FOXK1: variants seen among roughly 807,000 people sequenced by gnomAD.
FOXK1 encodes forkhead box protein K1.
A neutral mutation model predicts 51.9 loss-of-function variants in FOXK1; 19 were observed. That is an observed-to-expected ratio of 0.37 (90% CI 0.26 to 0.54). FOXK1 has a LOEUF of 0.54. Among genes scored for constraint, FOXK1 ranks in the 20% least tolerant of loss-of-function variants. The pLI, the probability that FOXK1 is intolerant of heterozygous loss-of-function variation, is 0.87. For synonymous variants in FOXK1, 537 were observed against 482.6 expected (o/e 1.11, Z -1.48); for missense variants, 870 against 1,032.7 (o/e 0.84, Z 2.16).
intron 1 of FOXK1, among the ~76,000 whole-genome samples, chr7:4,736,555 T>C (rs552800467): frequency 6.6e-6 from 1 of 151,922 alleles, no homozygotes; most frequent in African/African-American, 2.4e-5. Flanking sequence ...TGGGATTACA[T>C]GTGTGTGCCA....
At chr7:4,751,366 A>G (rs1467536436) in intron 2 of FOXK1, among the ~76,000 whole-genome samples, 1 of 152,046 alleles carries the variant, frequency 6.6e-6, no homozygotes, top group African/African-American at 2.4e-5. Flanking sequence ...TTAGATTGCT[A>G]AGGGAATGTT....
Position 4,761,210 on chromosome 7 carries a change from C to T in FOXK1, c.1843C>T (p.His615Tyr). 6.2e-7 allele frequency: 1 copy of T among 1,613,144 alleles called. No individual in the cohort carries two copies. Among genetic ancestry groups the T allele is most frequent in the Non-Finnish European group, 8.5e-7 (1 of 1,180,032 alleles). The change falls in exon 8 of 9, where the codon CAC (histidine) becomes TAC (tyrosine). Residue 615 changes from histidine (H) to tyrosine (Y), a missense_variant. Physicochemically the swap from His to Tyr is moderately conservative, Grantham distance 83. This residue lies in a region of FOXK1 where 457 missense variants were observed against 510.8 expected (regional missense o/e 0.89). Transcript: ENST00000328914. The surrounding 1 kb of genome is among the most constrained non-coding windows in gnomAD (Gnocchi z 6.2). ...CGCCACACCCGTGACCCTCGGGCAG[C>T]ACCACCTTCCAGTCCGGGCCGTGAC... ...QPATPVTLGQ[H>Y]HLPVRAVTQN...
Position 4,729,179 on chromosome 7 carries a change from G to A in FOXK1, c.561-11659G>A, listed in dbSNP as rs777005774. On this transcript the variant is annotated intron_variant, in intron 1 of 8. Coordinates refer to ENST00000328914, the MANE Select transcript of FOXK1 (RefSeq NM_001037165.2). The surrounding 1 kb of genome is among the most constrained non-coding windows in gnomAD (Gnocchi z 6.2). ...TGTTTAAGCCACACAGCATGGTGGG[G>A]AGCGGAGGTGATTTCGGAGCCTACT... is the stretch of plus-strand genomic sequence containing the variant. 4.6e-5 allele frequency among the ~76,000 whole-genome samples: 7 copies of A among 152,208 alleles called. No homozygotes were observed. Among genetic ancestry groups the A allele is most frequent in the Non-Finnish European group, 7.3e-5 (5 of 68,042 alleles).
Position 4,707,557 on chromosome 7 carries a change from G to A in FOXK1, c.560+24689G>A, listed in dbSNP as rs1027145388. On this transcript the variant is annotated intron_variant, in intron 1 of 8. Coordinates refer to ENST00000328914, the MANE Select transcript of FOXK1 (RefSeq NM_001037165.2). This position sits in a 1 kb window ranked among gnomAD's most constrained non-coding sequence, Gnocchi z 4.1. ...CAGCGAGAGGGTGGGTGTGGGAGTC[G>A]GTGAATTGTCTCTTACGCCTTCCTT... 2.0e-5 allele frequency among the ~76,000 whole-genome samples: 3 copies of A among 152,140 alleles called. No homozygotes were observed. Among genetic ancestry groups the A allele is most frequent in the Admixed American group, 6.6e-5 (1 of 15,256 alleles).
rs1350431331 is a variant in FOXK1 at position 4,759,319 on chromosome 7, G to A, written c.1420G>A (p.Val474Ile). The A allele has an allele frequency of 1.9e-6, 3 of 1,600,486 alleles. No homozygotes were observed. The highest frequency in any genetic ancestry group is 1.1e-5 in the South Asian group (1 of 90,830). Residue 474 changes from valine (V) to isoleucine (I), a missense_variant, in exon 7 of 9, where the codon GTC becomes ATC. Coordinates refer to ENST00000328914, the MANE Select transcript of FOXK1 (RefSeq NM_001037165.2). ...CTCCGCCCTCCGTGCAGGCTCCCCC[G>A]TCAGCGCCCAGCCAGTGATCATGGC... The part of the protein sequence containing the change: ...RYSQSAPGSP[V>I]SAQPVIMAVP...
rs557683618 is a variant in FOXK1 at position 4,707,492 on chromosome 7, G to C, written c.560+24624G>C. Among the ~76,000 whole-genome samples, 2 of 152,284 alleles carry C rather than the reference G, an allele frequency of 1.3e-5. No homozygotes were observed. Among genetic ancestry groups the C allele is most frequent in the African/African-American group, 2.4e-5 (1 of 41,552 alleles). On this transcript the variant is annotated intron_variant, in intron 1 of 8. Transcript: ENST00000328914. This position sits in a 1 kb window ranked among gnomAD's most constrained non-coding sequence, Gnocchi z 4.1. ...TTCCCCAAATGGATAATTTCGCCTTGGTAGTGTTAAGATGTATTTAGCGAC... is the reference window on the plus strand; with the variant it reads ...TTCCCCAAATGGATAATTTCGCCTTCGTAGTGTTAAGATGTATTTAGCGAC...
chr7:4,730,534 G>A lies in FOXK1; in HGVS notation c.561-10304G>A, dbSNP rs1780437375. On this transcript the variant is annotated intron_variant, in intron 1 of 8. Transcript: ENST00000328914. The surrounding 1 kb of genome is among the most constrained non-coding windows in gnomAD (Gnocchi z 4.7). ...TTCCGTGTCTGTCGGGGAGGGGATG[G>A]ACGTTTGTGTTGCTGTCAGGGACCT... is the stretch of plus-strand genomic sequence containing the variant. Among the ~76,000 whole-genome samples, 1 of 152,224 alleles carries A rather than the reference G, an allele frequency of 6.6e-6. No individual in the cohort carries two copies. Among genetic ancestry groups the A allele is most frequent in the Non-Finnish European group, 1.5e-5 (1 of 68,040 alleles).
chr7:4,745,046 C>T lies in FOXK1; in HGVS notation c.746+4023C>T, dbSNP rs1780683926. On this transcript the variant is annotated intron_variant, in intron 2 of 8. Transcript: ENST00000328914. The surrounding 1 kb of genome is among the most constrained non-coding windows in gnomAD (Gnocchi z 4.3). ...TTGAGTTTCTGCTGTAGGGTGGAGCCGGCGTGTTTACAAACACTCCCTGCC... is the reference window on the plus strand; with the variant it reads ...TTGAGTTTCTGCTGTAGGGTGGAGCTGGCGTGTTTACAAACACTCCCTGCC... Among the ~76,000 whole-genome samples, 1 of 152,230 alleles carries T rather than the reference C, an allele frequency of 6.6e-6. No individual in the cohort carries two copies. The highest frequency in any genetic ancestry group is 1.5e-5 in the Non-Finnish European group (1 of 68,038).
chr7:4,750,445 C>G lies in FOXK1; in HGVS notation c.747-4014C>G, dbSNP rs117014525. Among the ~76,000 whole-genome samples, 104 of 142,684 alleles carry G rather than the reference C, an allele frequency of 7.3e-4. 1 individual carries two copies. The East Asian group carries it at 0.021, about 28-fold the overall frequency. 93.6% of individuals were successfully genotyped at this position (142,684 alleles called of 152,430 possible). A position where few individuals can be genotyped will look rare whatever the true frequency, so the allele number is the denominator to read the frequency against. Reference sequence around the variant, plus strand: ...CACGTGTATGCCGTCGTTTTCAGCACTTTTTTTTTTTTTTTGAGACAGAAT... The same window carrying G: ...CACGTGTATGCCGTCGTTTTCAGCAGTTTTTTTTTTTTTTTGAGACAGAAT... On this transcript the variant is annotated intron_variant, in intron 2 of 8. Coordinates refer to ENST00000328914, the MANE Select transcript of FOXK1 (RefSeq NM_001037165.2).
intron 1 of FOXK1, among the ~76,000 whole-genome samples, chr7:4,726,215 C>G (rs911378032): frequency 6.6e-6 from 1 of 152,070 alleles, no homozygotes. Context: ...TTCACTAGAA[C>G]GTTCTTGTTT....
At chr7:4,738,365 AGGTGGAG>A (rs1169237821) in intron 1 of FOXK1, among the ~76,000 whole-genome samples, 1 of 151,142 alleles carries the variant, frequency 6.6e-6, no homozygotes. Context: ...TGAACCCAGG[AGGTGGAG>A]GTTGCAGTGA....
At chr7:4,706,350 G>A (rs1780102315) in intron 1 of FOXK1, among the ~76,000 whole-genome samples, 1 of 151,784 alleles carries the variant, frequency 6.6e-6, no homozygotes, top group African/African-American at 2.4e-5. Context: ...TGGGTAAAGT[G>A]CTCTGGCACC....
At position 4,748,010 on chromosome 7, in the gene FOXK1, T is replaced by C. The variant is rs1392863218; in HGVS notation, c.747-6449T>C. Among the ~76,000 whole-genome samples, 1 of 152,216 alleles carries C rather than the reference T, an allele frequency of 6.6e-6. No homozygotes were observed. Among genetic ancestry groups the C allele is most frequent in the Non-Finnish European group, 1.5e-5 (1 of 68,044 alleles). ...CACTAGTTAATTTTTAAAAATAGCT[T>C]CCCAGCATTTTACAATGTCGGATTT... On this transcript the variant is annotated intron_variant, in intron 2 of 8. Transcript: ENST00000328914. The surrounding 1 kb of genome is among the most constrained non-coding windows in gnomAD (Gnocchi z 4.9).
intron 1 of FOXK1, among the ~76,000 whole-genome samples, chr7:4,701,862 C>T (rs1352992680): frequency 1.3e-5 from 2 of 152,202 alleles, no homozygotes; most frequent in Admixed American, 1.3e-4. Flanking sequence ...CACTGCACTC[C>T]AGCCTGGGCG....
intron 1 of FOXK1, among the ~76,000 whole-genome samples, chr7:4,714,258 A>G (rs910184903): frequency 2.6e-5 from 4 of 152,094 alleles, no homozygotes; most frequent in South Asian, 4.2e-4. Context: ...TCATCTTTTC[A>G]TGTTGACCCT....
At position 4,749,480 on chromosome 7, in the gene FOXK1, C is replaced by T. The variant is rs1479250247; in HGVS notation, c.747-4979C>T. Among the ~76,000 whole-genome samples the T allele has an allele frequency of 6.6e-6, 1 of 152,198 alleles. No individual in the cohort carries two copies. The highest frequency in any genetic ancestry group is 1.5e-5 in the Non-Finnish European group (1 of 68,020). ...GCAGGGAGGTTCCCCCAGGAGGCTT[C>T]AGGTGCCGCCTTGGGACGCAAAGGT... On this transcript the variant is annotated intron_variant, in intron 2 of 8. Coordinates refer to ENST00000328914, the MANE Select transcript of FOXK1 (RefSeq NM_001037165.2). The surrounding 1 kb of genome is among the most constrained non-coding windows in gnomAD (Gnocchi z 6.0).
chr7:4,742,105 C>T (rs535862914), intron 2 of FOXK1, among the ~76,000 whole-genome samples: 9 of 152,378 alleles, frequency 5.9e-5, no homozygotes, highest in East Asian at 1.9e-4. Context: ...GTGGCTCCTC[C>T]GCAGCACCAG....
In FOXK1 at chr7:4,682,464, G is replaced by T; in HGVS notation, c.156G>T (p.Pro52=). The T allele has an allele frequency of 1.0e-6, 1 of 983,616 alleles. No individual in the cohort carries two copies. Among genetic ancestry groups the T allele is most frequent in the Non-Finnish European group, 1.2e-6 (1 of 830,674 alleles). 60.9% of individuals were successfully genotyped at this position (983,616 alleles called of 1,614,324 possible). ...CGCAGCCCCAGCCTCCGCCCGGGCC[G>T]CCGCCGCCGCCGCCACCGCCGCTGC... ...APAQPQPPPG[P]PPPPPPPLPP... The change falls in exon 1 of 9, where the codon CCG becomes CCT. Residue 52 remains proline (P), a synonymous_variant. Transcript: ENST00000328914. The surrounding 1 kb of genome is among the most constrained non-coding windows in gnomAD (Gnocchi z 7.6).
chr7:4,705,565 C>T (rs1240618293), intron 1 of FOXK1, among the ~76,000 whole-genome samples: 2 of 151,550 alleles, frequency 1.3e-5, no homozygotes, highest in South Asian at 2.1e-4. Context: ...CTCTCGCTCT[C>T]GCTCTCTCGT....
Sources: gnomAD v4.1 joint callset for allele counts (sites outside exome capture counted in the v4.1 genomes callset) on GRCh38, gnomAD v4.1.1 for gene constraint, gnomAD v4.1.1 regional missense constraint, Gnocchi (gnomAD v3.1) non-coding constraint, MANE v1.5 for transcripts, NCBI Gene and HGNC (gene_info 2026-07-23, HGNC 2026-07-21) for gene names.